The following CDH12 variants were observed in gnomAD, a reference collection of about 807,000 sequenced individuals.
CDH12 encodes the protein cadherin 12, also known as cadherin-12.
Under a neutral mutation model 74.1 loss-of-function variants are expected in CDH12, and 41 were observed. The observed-to-expected ratio is 0.55, with a 90% confidence interval of 0.43 to 0.72. The LOEUF is 0.72. CDH12 is among the 30% of genes least tolerant of loss of function. The pLI, the probability that CDH12 is intolerant of heterozygous loss-of-function variation, is 0.00. For synonymous variants in CDH12, 399 were observed against 355.0 expected (o/e 1.12, Z -1.39); for missense variants, 945 against 977.2 (o/e 0.97, Z 0.44).
chr5:22,537,625 C>T (rs1292394824), intron 1 of CDH12, among the ~76,000 whole-genome samples: 2 of 152,156 alleles, frequency 1.3e-5, no homozygotes, highest in Non-Finnish European at 1.5e-5. Context: ...ATAACCTCTG[C>T]TCCAACCAGA....
chr5:21,828,834 AT>A (rs796207691), intron 8 of CDH12, among the ~76,000 whole-genome samples: 163 of 133,794 alleles, frequency 1.2e-3, no homozygotes, highest in African/African-American at 4.2e-3. Flanking sequence ...CATTTTGATG[AT>A]TTTTTTTTCC....
intron 5 of CDH12, among the ~76,000 whole-genome samples, chr5:22,037,668 C>T (rs893420784): frequency 2.0e-5 from 3 of 152,078 alleles, no homozygotes; most frequent in African/African-American, 2.4e-5. Context: ...GCTAACTCAC[C>T]GGTATTAGAA....
chr5:21,766,080 G>A (rs1192988392), intron 11 of CDH12, among the ~76,000 whole-genome samples: 2 of 151,886 alleles, frequency 1.3e-5, no homozygotes, highest in Non-Finnish European at 2.9e-5. Context: ...CTTCTGCAAA[G>A]CCACCAAAGA....
intron 5 of CDH12, among the ~76,000 whole-genome samples, chr5:22,068,355 C>T (rs1043470586): frequency 6.6e-6 from 1 of 152,146 alleles, no homozygotes; most frequent in Admixed American, 6.6e-5. Context: ...GCCTGTTTCA[C>T]AGGTGGTTCT....
chr5:22,305,168 C>T (rs1369569947), intron 3 of CDH12, among the ~76,000 whole-genome samples: 1 of 152,074 alleles, frequency 6.6e-6, no homozygotes, highest in East Asian at 1.9e-4. Context: ...TACAAATTTC[C>T]TCTAATTCTT....
At chr5:22,651,033 A>G (rs1051475131) in intron 1 of CDH12, among the ~76,000 whole-genome samples, 1 of 152,090 alleles carries the variant, frequency 6.6e-6, no homozygotes, top group South Asian at 2.1e-4. Flanking sequence ...TTTCTTGAGC[A>G]GAGATTTCCA....
chr5:22,324,865 C>G (rs1360500987), intron 3 of CDH12, among the ~76,000 whole-genome samples: 2 of 152,034 alleles, frequency 1.3e-5, no homozygotes, highest in Non-Finnish European at 2.9e-5. Flanking sequence ...TAATAGTTCA[C>G]AGGAAAATTA....
chr5:22,763,332 A>T lies in CDH12; in HGVS notation c.-523+89726T>A, dbSNP rs9885118. On this transcript the variant is annotated intron_variant, in intron 1 of 14. Coordinates refer to ENST00000382254, the MANE Select transcript of CDH12 (RefSeq NM_004061.5). ...GTTCAGATAACAAAATTGATCAGAA[A>T]CTATCATTATCACAATATAAAAGAA... 3.6e-3 allele frequency among the ~76,000 whole-genome samples: 545 copies of T among 152,108 alleles called. 3 individuals are homozygous for T. Among genetic ancestry groups the T allele is most frequent in the African/African-American group, 0.012 (500 of 41,572 alleles).
At chr5:21,991,878 G>A (rs1220371964) in intron 5 of CDH12, among the ~76,000 whole-genome samples, 1 of 151,828 alleles carries the variant, frequency 6.6e-6, no homozygotes, top group African/African-American at 2.4e-5. Context: ...TTACTGCTAA[G>A]AATTAATATC....
At chr5:22,154,588 TAC>T (rs1747901082) in intron 4 of CDH12, among the ~76,000 whole-genome samples, 1 of 148,382 alleles carries the variant, frequency 6.7e-6, no homozygotes, top group African/African-American at 2.5e-5. Flanking sequence ...TGTATATGTG[TAC>T]ACATATATAT....
At chr5:22,733,703 A>G (rs1046632567) in intron 1 of CDH12, among the ~76,000 whole-genome samples, 2 of 151,972 alleles carry the variant, frequency 1.3e-5, no homozygotes, top group African/African-American at 4.8e-5. Flanking sequence ...CAAATGAAAT[A>G]AAAATATCGT....
At chr5:22,737,657 T>C (rs1744810539) in intron 1 of CDH12, among the ~76,000 whole-genome samples, 1 of 152,002 alleles carries the variant, frequency 6.6e-6, no homozygotes. Context: ...TAAGACAGAA[T>C]CGACAAACTT....
At chr5:22,696,227 C>T (rs553046875) in intron 1 of CDH12, among the ~76,000 whole-genome samples, 14 of 151,942 alleles carry the variant, frequency 9.2e-5, no homozygotes, top group South Asian at 8.3e-4. Context: ...AAAAATTAGC[C>T]GGGCGTGGTG....
At chr5:22,569,605 G>T (rs1022586220) in intron 1 of CDH12, among the ~76,000 whole-genome samples, 1 of 152,110 alleles carries the variant, frequency 6.6e-6, no homozygotes, top group Non-Finnish European at 1.5e-5. Flanking sequence ...ATCCTTTGTT[G>T]TCGTTTCACA....
intron 1 of CDH12, among the ~76,000 whole-genome samples, chr5:22,651,352 G>C (rs1390269330): frequency 6.6e-6 from 1 of 152,050 alleles, no homozygotes; most frequent in African/African-American, 2.4e-5. Context: ...ATTTAAAAAG[G>C]AAGGGGGAGG....
chr5:22,426,141 C>T (rs779033199), intron 2 of CDH12, among the ~76,000 whole-genome samples: 1 of 148,418 alleles, frequency 6.7e-6, no homozygotes, highest in African/African-American at 2.5e-5. Context: ...GAGCCGAGAT[C>T]GCACCACTGC....
intron 1 of CDH12, among the ~76,000 whole-genome samples, chr5:22,542,333 C>T (rs1231393133): frequency 2.6e-5 from 4 of 152,116 alleles, no homozygotes; most frequent in African/African-American, 9.7e-5. Context: ...CAACATATAA[C>T]TTCTTGTACA....
In CDH12 at chr5:21,847,772, T is replaced by G. The variant is rs1750254904; in HGVS notation, c.647-5444A>C. ...GGACATACTTGGGCAATCACTGTTC[T>G]GTCTAGCATACATACTCTTCCTTAA... On this transcript the variant is annotated intron_variant, in intron 7 of 14. Coordinates refer to ENST00000382254, the MANE Select transcript of CDH12 (RefSeq NM_004061.5). Among the ~76,000 whole-genome samples the G allele has an allele frequency of 1.3e-5, 2 of 152,164 alleles. 1 individual carries two copies. Among genetic ancestry groups the G allele is most frequent in the South Asian group, 4.1e-4 (2 of 4,836 alleles).
intron 3 of CDH12, among the ~76,000 whole-genome samples, chr5:22,395,544 T>C (rs2966948): frequency 1 from 152,249 of 152,250 alleles, 76,124 homozygotes; most frequent in Non-Finnish European, 1. Flanking sequence ...TCTCTAAGTG[T>C]CTGACATAAT....
Sources: gnomAD v4.1 joint callset for allele counts (sites outside exome capture counted in the v4.1 genomes callset) on GRCh38, gnomAD v4.1.1 for gene constraint, MANE v1.5 for transcripts, NCBI Gene and HGNC (gene_info 2026-07-23, HGNC 2026-07-21) for gene names.